The following TANK variants were observed in gnomAD, a reference collection of about 807,000 sequenced individuals.
The protein encoded by TANK is TRAF family member-associated NF-kappa-B activator.
A neutral mutation model predicts 43.6 loss-of-function variants in TANK; 15 were observed. The ratio of observed to expected loss-of-function variants is 0.34; its 90% CI spans 0.23 to 0.53. The LOEUF (loss-of-function observed/expected upper bound fraction) is 0.53, where lower values mean the gene tolerates loss of function less well. Ranked by LOEUF, TANK falls within the 20% of genes least tolerant of loss-of-function variation. TANK has a pLI of 0.94. For missense variants in TANK, 417 were observed against 498.6 expected, an observed-to-expected ratio of 0.84 and a Z score of 1.56; for synonymous variants, 162 against 178.2, an observed-to-expected ratio of 0.91 and a Z score of 0.73.
intron 1 of TANK, among the ~76,000 whole-genome samples, chr2:161,147,465 T>A (rs747043348): frequency 6.6e-6 from 1 of 152,114 alleles, no homozygotes; most frequent in East Asian, 1.9e-4. Flanking sequence ...ACTAGTGGGA[T>A]CTTCTGACCT....
At chr2:161,176,742 T>A (rs1342818526) in intron 1 of TANK, among the ~76,000 whole-genome samples, 1 of 152,116 alleles carries the variant, frequency 6.6e-6, no homozygotes, top group Non-Finnish European at 1.5e-5. Flanking sequence ...GGCCCTTAAC[T>A]AAGGGTCAGT....
rs558512213 is a variant in TANK at position 161,223,012 on chromosome 2, A to G, written c.328-903A>G. On this transcript the variant is annotated intron_variant, in intron 4 of 7. Coordinates refer to ENST00000392749, the MANE Select transcript of TANK (RefSeq NM_001199135.3). ...GAGTGAAGTACTTCAGTGATAAGACACAATGAAGTAAAATCTTCCATTTAT... is the reference window on the plus strand; with the variant it reads ...GAGTGAAGTACTTCAGTGATAAGACGCAATGAAGTAAAATCTTCCATTTAT... 4 of 152,200 alleles carry G rather than the reference A, an allele frequency of 2.6e-5. No homozygotes were observed. The East Asian group carries it at 7.7e-4, about 29-fold the overall frequency. 9.4% of individuals were successfully genotyped at this position (152,200 alleles called of 1,614,324 possible). A position where few individuals can be genotyped will look rare whatever the true frequency, so the allele number is the denominator to read the frequency against.
intron 1 of TANK, among the ~76,000 whole-genome samples, chr2:161,178,355 A>G (rs1272533033): frequency 2.0e-5 from 3 of 152,154 alleles, no homozygotes; most frequent in South Asian, 2.1e-4. Flanking sequence ...TACATGCTAC[A>G]TCATGGATGA....
chr2:161,164,888 G>A (rs1684603889), intron 1 of TANK, among the ~76,000 whole-genome samples: 2 of 152,048 alleles, frequency 1.3e-5, no homozygotes, highest in African/African-American at 4.8e-5. Context: ...AGTAAATGAT[G>A]GCAATTGTTT....
chr2:161,203,473 T>C lies in TANK; in HGVS notation c.100-14T>C. ...ATCAGTGAATATCAGGCTAACTGGT[T>C]TTTATGTCAGCAGACTGAGAACTAT... On this transcript the variant is annotated splice_polypyrimidine_tract_variant and intron_variant, in intron 2 of 7. Transcript: ENST00000392749. 1 of 1,591,054 alleles carries C rather than the reference T, an allele frequency of 6.3e-7. No individual in the cohort carries two copies.
In TANK at chr2:161,231,095, A is replaced by T; in HGVS notation, c.645A>T (p.Arg215Ser). ...GAPSITSVTP[R>S]GLCRDEEDTS... ...CATCCATCACATCTGTCACACCAAG[A>T]GGACTGTGCAGAGATGAGGAAGACA... Residue 215 changes from arginine to serine, a missense_variant, in exon 7 of 8, where the codon AGA becomes AGT. By Grantham distance (110) the Arg-to-Ser change is moderately radical (BLOSUM62 -1). Coordinates refer to ENST00000392749, the MANE Select transcript of TANK (RefSeq NM_001199135.3). The T allele has an allele frequency of 3.1e-6, 5 of 1,614,176 alleles. No individual in the cohort carries two copies. Among genetic ancestry groups the T allele is most frequent in the Non-Finnish European group, 4.2e-6 (5 of 1,180,012 alleles).
intron 7 of TANK, among the ~76,000 whole-genome samples, chr2:161,233,330 G>A (rs1176873756): frequency 1.3e-5 from 2 of 152,058 alleles, no homozygotes; most frequent in Non-Finnish European, 2.9e-5. Flanking sequence ...TAGGTAGTTC[G>A]AGGTTGCAGT....
At chr2:161,156,671 C>G (rs1684235093), upstream of TANK, among the ~76,000 whole-genome samples, 1 of 151,790 alleles carries the variant, frequency 6.6e-6, no homozygotes, top group African/African-American at 2.4e-5. Flanking sequence ...CTATTAAGTT[C>G]TTCAGCATAG....
At chr2:161,200,292 T>G (rs1278040194) in intron 2 of TANK, 1 of 936,404 alleles carries the variant, frequency 1.1e-6, no homozygotes, top group East Asian at 1.2e-4. Context: ...ATGTACTTGC[T>G]TTGTAATTGT....
intron 2 of TANK, among the ~76,000 whole-genome samples, chr2:161,198,637 A>G (rs1686264185): frequency 6.6e-6 from 1 of 152,250 alleles, no homozygotes; most frequent in African/African-American, 2.4e-5. Context: ...AATACTTTAT[A>G]TATTCTGTGT....
upstream of TANK, chr2:161,156,412 T>C (rs953537060): frequency 6.0e-5 from 57 of 944,142 alleles, no homozygotes; most frequent in African/African-American, 9.6e-4. Context: ...CTTAGTCTAA[T>C]AGCTTATCAT....
chr2:161,139,791 A>C, intron 1 of TANK: 6 of 985,428 alleles, frequency 6.1e-6, no homozygotes, highest in Non-Finnish European at 7.2e-6. Flanking sequence ...CTATCCAGGC[A>C]TAGCAGCCAA....
intron 4 of TANK, among the ~76,000 whole-genome samples, chr2:161,213,335 G>T (rs1210333758): frequency 1.3e-5 from 2 of 152,148 alleles, no homozygotes; most frequent in Admixed American, 6.5e-5. Flanking sequence ...GGGCGCAGTG[G>T]CTCACGCCTG....
chr2:161,178,564 G>A (rs1453333930), intron 1 of TANK, among the ~76,000 whole-genome samples: 1 of 151,974 alleles, frequency 6.6e-6, no homozygotes, highest in East Asian at 1.9e-4. Flanking sequence ...TGATTAAAAT[G>A]TTCCAGAATT....
At chr2:161,185,478 GTTTT>G (rs926599339) in intron 2 of TANK, among the ~76,000 whole-genome samples, 5 of 151,574 alleles carry the variant, frequency 3.3e-5, no homozygotes, top group African/African-American at 1.2e-4. Flanking sequence ...GAGGTTTTTG[GTTTT>G]TTGTTTTTTT....
intron 7 of TANK, chr2:161,233,018 G>A: frequency 2.9e-6 from 2 of 681,864 alleles, no homozygotes; most frequent in Non-Finnish European, 4.6e-6. Context: ...AACCTTTTAA[G>A]CTATTTTATT....
chr2:161,144,927 A>G (rs938448156), intron 1 of TANK, among the ~76,000 whole-genome samples: 4 of 152,022 alleles, frequency 2.6e-5, no homozygotes, highest in Non-Finnish European at 5.9e-5. Context: ...ATTGTGTGGG[A>G]GTCTAAGTCA....
chr2:161,149,778 G>A lies in TANK; in HGVS notation c.-50+12715G>A, dbSNP rs1221075267. Among the ~76,000 whole-genome samples, 5 of 150,714 alleles carry A rather than the reference G, an allele frequency of 3.3e-5. No homozygotes were observed. In the East Asian group the frequency reaches 9.7e-4, roughly 29 times the overall value. On this transcript the variant is annotated intron_variant, in intron 1 of 7. Coordinates refer to the TANK transcript ENST00000259075. ...TTTTTCCATTTTTCTATGATGTGGT[G>A]CATTGCCCGAAGTGATTTTCTTATG...
At chr2:161,156,665 TA>T (rs11309227), upstream of TANK, among the ~76,000 whole-genome samples, 126,824 of 152,150 alleles carry the variant, frequency 0.83, 52,940 homozygotes, top group East Asian at 1. Flanking sequence ...CTGATGCTAT[TA>T]AGTTCTTCAG....
Sources: gnomAD v4.1 joint callset for allele counts (sites outside exome capture counted in the v4.1 genomes callset) on GRCh38, gnomAD v4.1.1 for gene constraint, MANE v1.5 for transcripts, NCBI Gene and HGNC (gene_info 2026-07-23, HGNC 2026-07-21) for gene names.